AUP1: variants seen among roughly 807,000 people sequenced by gnomAD.
AUP1 encodes AUP1 lipid droplet regulating VLDL assembly factor, also known as lipid droplet-regulating VLDL assembly factor AUP1.
Under a neutral mutation model 51.8 loss-of-function variants are expected in AUP1, and 30 were observed. The ratio of observed to expected loss-of-function variants is 0.58; its 90% CI spans 0.43 to 0.79. The LOEUF (loss-of-function observed/expected upper bound fraction) is 0.79, where lower values mean the gene tolerates loss of function less well. Among genes scored for constraint, AUP1 ranks in the 30% least tolerant of loss-of-function variants. The pLI is 0.00. For synonymous variants in AUP1, 227 were observed against 209.0 expected, an observed-to-expected ratio of 1.09 and a Z score of -0.74; for missense variants, 492 against 517.1, an observed-to-expected ratio of 0.95 and a Z score of 0.47.
Position 74,527,249 on chromosome 2 carries a change from T to C in AUP1, c.1076A>G (p.Lys359Arg), listed in dbSNP as rs1408728190. The change falls in exon 10 of 12, where the codon AAG (lysine) becomes AGG (arginine). Residue 359 changes from lysine (K) to arginine (R), a missense_variant and splice_region_variant. Lys to Arg is a conservative substitution (Grantham distance 26). Transcript: ENST00000377526. ...ATCTGACCATTTCCTGGGTCTCACC[T>C]TGGAGGCAGAGGCTGTGGGTAGGGA... The part of the protein sequence containing the change: ...TQSLPTASAS[K>R]FPSSGPVTPQ... The C allele has an allele frequency of 2.5e-6, 4 of 1,613,258 alleles. No individual in the cohort carries two copies. The highest frequency in any genetic ancestry group is 3.4e-6 in the Non-Finnish European group (4 of 1,179,612).
At position 74,529,387 on chromosome 2, in the gene AUP1, C is replaced by A. The variant is rs115467431; in HGVS notation, c.163G>T (p.Ala55Ser). 3 of 1,607,406 alleles carry A rather than the reference C, an allele frequency of 1.9e-6. No individual in the cohort carries two copies. The highest frequency in any genetic ancestry group is 2.5e-6 in the Non-Finnish European group (3 of 1,176,776). ...LGIHVFLVSC[A>S]LPDSVLRRFV... is the part of the protein sequence containing the mutation. Reference sequence around the variant, plus strand: ...CTGCGAAGGACGCTGTCTGGCAGCGCGCAGCTGACCAGGAAGACGTGGATC... The same window carrying A: ...CTGCGAAGGACGCTGTCTGGCAGCGAGCAGCTGACCAGGAAGACGTGGATC... The change falls in exon 2 of 12, where the codon GCG becomes TCG. Residue 55 changes from alanine (A) to serine (S), a missense_variant. Coordinates refer to ENST00000377526, the MANE Select transcript of AUP1 (RefSeq NM_181575.5).
Position 74,527,987 on chromosome 2 carries a change from G to C in AUP1, c.691C>G (p.Arg231Gly). The change falls in exon 7 of 12, where the codon CGC (arginine) becomes GGC (glycine). Residue 231 changes from arginine (R) to glycine (G), a missense_variant. By Grantham distance (125) the Arg-to-Gly change is moderately radical (BLOSUM62 -2). Coordinates refer to ENST00000377526, the MANE Select transcript of AUP1 (RefSeq NM_181575.5). ...YQVRWLRPVH[R>G]QLGEANEEFA... Reference sequence around the variant, plus strand: ...TCCTCATTCGCTTCCCCTAGTTGGCGATGAACAGGACGAAGCCACCTGCAA... The same window carrying C: ...TCCTCATTCGCTTCCCCTAGTTGGCCATGAACAGGACGAAGCCACCTGCAA... 6.2e-7 allele frequency: 1 copy of C among 1,614,214 alleles called. No homozygotes were observed. Among genetic ancestry groups the C allele is most frequent in the Non-Finnish European group, 8.5e-7 (1 of 1,180,044 alleles).
At chr2:74,529,522 T>C in intron 1 of AUP1, 23 bp from the exon 2 acceptor site, 1 of 1,548,842 alleles carries the variant, frequency 6.5e-7, no homozygotes, top group Non-Finnish European at 8.7e-7. Context: ...GGCGAAGTGG[T>C]CAGGCGCCGA....
At chr2:74,528,726 C>T (rs1675327210) in intron 4 of AUP1, 25 bp downstream of exon 4, 4 of 1,554,578 alleles carry the variant, frequency 2.6e-6, no homozygotes, top group South Asian at 2.5e-5. Flanking sequence ...ACCCAGCTGG[C>T]GCCCCATACC....
chr2:74,528,865 T>TC lies in AUP1; in HGVS notation c.409dup (p.Glu137GlyfsTer25). 6.2e-7 allele frequency: 1 copy of TC among 1,611,432 alleles called. No homozygotes were observed. Among genetic ancestry groups the TC allele is most frequent in the South Asian group, 1.1e-5 (1 of 90,956 alleles). On this transcript the variant is annotated frameshift_variant, in exon 4 of 12. Coordinates refer to ENST00000377526, the MANE Select transcript of AUP1 (RefSeq NM_181575.5). LOFTEE classifies it high-confidence loss of function. ...GAATCTCTTGAGTGACTCCACCAAC[T>TC]CCCCCCGCCCATTCATCTCCATGAA...
In AUP1 at chr2:74,527,572, G is replaced by A; in HGVS notation, c.860C>T (p.Pro287Leu). 1 of 1,609,686 alleles carries A rather than the reference G, an allele frequency of 6.2e-7. No individual in the cohort carries two copies. The highest frequency in any genetic ancestry group is 8.5e-7 in the Non-Finnish European group (1 of 1,178,868). ...CACATCAGGAGAAGGACCAGGGGAG[G>A]GAGGGAAAGAAGACTGGGCTGTGGA... ...RPQSAQSSFP[P>L]SPGPSPDVQL... The change falls in exon 9 of 12, where the codon CCC becomes CTC. Residue 287 changes from proline (P) to leucine (L), a missense_variant. Pro to Leu is a moderately conservative substitution (Grantham distance 98). Coordinates refer to ENST00000377526, the MANE Select transcript of AUP1 (RefSeq NM_181575.5).
intron 6 of AUP1, 52 bp downstream of exon 6, chr2:74,528,196 G>T: frequency 1.3e-6 from 2 of 1,561,036 alleles, no homozygotes; most frequent in South Asian, 1.1e-5. Flanking sequence ...CTAATTCCTT[G>T]ACCTTGAGGT....
intron 9 of AUP1, 49 bp from the exon 10 acceptor site, chr2:74,527,412 C>T: frequency 6.2e-7 from 1 of 1,611,212 alleles, no homozygotes; most frequent in Non-Finnish European, 8.5e-7. Flanking sequence ...TTTCTTCCTT[C>T]ACAACCCACT....
chr2:74,528,141 T>C (rs1279843028), intron 6 of AUP1, 107 bp downstream of exon 6: 29 of 1,482,084 alleles, frequency 2.0e-5, no homozygotes, highest in Non-Finnish European at 2.5e-5. Context: ...GCCTCTGTGG[T>C]AGAACCTTGA....
rs753481258 is a variant in AUP1 at position 74,528,495 on chromosome 2, AGAGG to A, written c.525-10_525-7del. The A allele has an allele frequency of 8.7e-6, 14 of 1,611,048 alleles. No homozygotes were observed. Among genetic ancestry groups the A allele is most frequent in the Non-Finnish European group, 1.2e-5 (14 of 1,177,658 alleles). On this transcript the variant is annotated splice_polypyrimidine_tract_variant and splice_region_variant and intron_variant, in intron 4 of 11. Coordinates refer to ENST00000377526, the MANE Select transcript of AUP1 (RefSeq NM_181575.5). ...GGATAGAAAATGGCCAGGAACTAGA[AGAGG>A]AAGGAGAAAGTAGGATGGGAATCCA... is the stretch of plus-strand genomic sequence containing the variant.
In AUP1 at chr2:74,526,776, G is replaced by C; in HGVS notation, c.*24C>G. ...CCCCCAGTCTCCGTCCTGCGGCTCT[G>C]GGTGCCATCCTGTTCCTTTGAGCTC... is the stretch of plus-strand genomic sequence containing the variant. On this transcript the variant is annotated 3_prime_UTR_variant, in exon 12 of 12. Coordinates refer to ENST00000377526, the MANE Select transcript of AUP1 (RefSeq NM_181575.5). 1.3e-6 allele frequency: 2 copies of C among 1,520,758 alleles called. No homozygotes were observed. The highest frequency in any genetic ancestry group is 1.4e-5 in the African/African-American group (1 of 71,922). 94.2% of individuals were successfully genotyped at this position (1,520,758 alleles called of 1,614,324 possible). A position where few individuals can be genotyped will look rare whatever the true frequency, so the allele number is the denominator to read the frequency against.
chr2:74,527,844 G>C lies in AUP1; in HGVS notation c.739-6C>G, dbSNP rs1472643913. 1 of 1,614,070 alleles carries C rather than the reference G, an allele frequency of 6.2e-7. No homozygotes were observed. The highest frequency in any genetic ancestry group is 1.3e-5 in the African/African-American group (1 of 75,020). ...CCCAATTCCTTGGCCACCAGCTAGG[G>C]AGAATTGGAAGACTGGAAGTGTCAA... is the stretch of plus-strand genomic sequence containing the variant. On this transcript the variant is annotated splice_polypyrimidine_tract_variant and splice_region_variant and intron_variant, in intron 7 of 11. Coordinates refer to ENST00000377526, the MANE Select transcript of AUP1 (RefSeq NM_181575.5).
rs1354485338 is a variant in AUP1 at position 74,526,982 on chromosome 2, G to A, written c.1155C>T (p.Ser385=). ...FAKSSWARQE[S]LQERKQALYE... ...ATAGTGCTTGCTTGCGCTCCTGCAG[G>A]CTCTCCTGCCGGGCCCAGGAAGACT... The change falls in exon 11 of 12, where the codon AGC becomes AGT. Residue 385 remains serine, a synonymous_variant. Coordinates refer to ENST00000377526, the MANE Select transcript of AUP1 (RefSeq NM_181575.5). 5.0e-6 allele frequency: 8 copies of A among 1,614,018 alleles called. No individual in the cohort carries two copies. The African/African-American group carries it at 1.1e-4, about 22-fold the overall frequency.
chr2:74,527,747 C>A lies in AUP1; in HGVS notation c.830G>T (p.Arg277Leu). ...HMKRQRHPRL[R>L]PQSAQSSFPP... The stretch of plus-strand genomic sequence containing the variant: ...TAGAGACCACATACCTGACTGGGGG[C>A]GCAATCTGGGGTGTCTTTGTCGCTT... The change falls in exon 8 of 12, where the codon CGC becomes CTC. Residue 277 changes from arginine to leucine, a missense_variant. Transcript: ENST00000377526. 6.2e-7 allele frequency: 1 copy of A among 1,613,800 alleles called. No homozygotes were observed. The highest frequency in any genetic ancestry group is 8.5e-7 in the Non-Finnish European group (1 of 1,179,960).
intron 6 of AUP1, 85 bp downstream of exon 6, chr2:74,528,163 A>ATAT: frequency 6.7e-7 from 1 of 1,499,834 alleles, no homozygotes; most frequent in Non-Finnish European, 9.3e-7. Flanking sequence ...ATAAAGATCT[A>ATAT]CAAATGGACA....
chr2:74,526,902 A>T, intron 11 of AUP1, 39 bp downstream of exon 11: 1 of 1,608,408 alleles, frequency 6.2e-7, no homozygotes, highest in Non-Finnish European at 8.5e-7. Flanking sequence ...CCATTCTCCA[A>T]TTTGCCACAT....
rs747867698 is a variant in AUP1 at position 74,527,550 on chromosome 2, A to G, written c.882T>C (p.Asp294=). ...TCTGAGCCAGAGTTGCCAGTTGCAC[A>G]TCAGGAGAAGGACCAGGGGAGGGAG... ...SFPPSPGPSP[D]VQLATLAQRV... Residue 294 remains aspartate (D), a synonymous_variant, in exon 9 of 12, where the codon GAT becomes GAC. Transcript: ENST00000377526. 3.1e-6 allele frequency: 5 copies of G among 1,613,662 alleles called. No individual in the cohort carries two copies. In the South Asian group the frequency reaches 5.5e-5, roughly 18 times the overall value.
In AUP1 at chr2:74,527,595, G is replaced by GC; in HGVS notation, c.842-6_842-5insG. The stretch of plus-strand genomic sequence containing the variant: ...AGGGAGGGAAAGAAGACTGGGCTGT[G>GC]GAAAAAGGAAAAAAAGAAAAAAGAA... On this transcript the variant is annotated splice_polypyrimidine_tract_variant and splice_region_variant and intron_variant, in intron 8 of 11. Transcript: ENST00000377526. 1 of 1,587,180 alleles carries GC rather than the reference G, an allele frequency of 6.3e-7. No individual in the cohort carries two copies. The highest frequency in any genetic ancestry group is 8.5e-7 in the Non-Finnish European group (1 of 1,172,820).
rs1159266704 is a variant in AUP1 at position 74,528,835 on chromosome 2, G to A, written c.440C>T (p.Ala147Val). The A allele has an allele frequency of 6.2e-7, 1 of 1,614,030 alleles. No homozygotes were observed. The highest frequency in any genetic ancestry group is 1.3e-5 in the African/African-American group (1 of 74,900). Residue 147 changes from alanine (A) to valine (V), a missense_variant, in exon 4 of 12, where the codon GCT becomes GTT. Coordinates refer to ENST00000377526, the MANE Select transcript of AUP1 (RefSeq NM_181575.5). ...AGGAGTGGGGGGAAGCCTCGTGGAA[G>A]CACAGAATCTCTTGAGTGACTCCAC... Reference protein sequence around the residue: ...ELVESLKRFCASTRLPPTPLL... With the variant: ...ELVESLKRFCVSTRLPPTPLL...
Sources: allele counts gnomAD v4.1 joint callset, GRCh38; gene constraint gnomAD v4.1.1; transcripts MANE v1.5; gene names NCBI Gene and HGNC (gene_info 2026-07-23, HGNC 2026-07-21).